Variants in KCNIP4 observed in about 807,000 individuals in gnomAD.
KCNIP4 encodes the protein Kv channel-interacting protein 4.
In KCNIP4, 12 loss-of-function variants were observed where a neutral mutation model predicts 34.0. The ratio of observed to expected loss-of-function variants is 0.35; its 90% CI spans 0.23 to 0.57. The LOEUF is 0.57. Among genes scored for constraint, KCNIP4 ranks in the 20% least tolerant of loss-of-function variants. The probability of loss-of-function intolerance (pLI) is 0.83; values close to 1 mark genes in which losing one functional copy is unlikely to be tolerated. For missense variants in KCNIP4, 238 were observed against 311.7 expected (o/e 0.76, Z 1.78); for synonymous variants, 124 against 102.2 (o/e 1.21, Z -1.29).
intron 1 of KCNIP4, among the ~76,000 whole-genome samples, chr4:21,420,047 C>T (rs942571812): frequency 4.6e-5 from 7 of 152,100 alleles, no homozygotes; most frequent in African/African-American, 1.7e-4. Flanking sequence ...AGGGCTACAG[C>T]CTCCCTTATC....
At chr4:21,417,698 A>C (rs374097187) in intron 1 of KCNIP4, among the ~76,000 whole-genome samples, 4 of 152,270 alleles carry the variant, frequency 2.6e-5, no homozygotes, top group South Asian at 4.1e-4. Context: ...GATGTCATGA[A>C]GTAGTCCTCG....
intron 1 of KCNIP4, among the ~76,000 whole-genome samples, chr4:20,952,369 T>C (rs746792336): frequency 3.9e-5 from 6 of 152,200 alleles, no homozygotes; most frequent in Admixed American, 1.3e-4. Flanking sequence ...ATGTTCATTA[T>C]CTCAAAACTC....
intron 1 of KCNIP4, among the ~76,000 whole-genome samples, chr4:20,994,656 T>G (rs1169203214): frequency 6.6e-6 from 1 of 152,210 alleles, no homozygotes; most frequent in Non-Finnish European, 1.5e-5. Context: ...TGGGATGTGT[T>G]CTTCCCACAA....
rs144747924 is a variant in KCNIP4 at position 21,005,202 on chromosome 4, C to T, written c.62-122493G>A. On this transcript the variant is annotated intron_variant, in intron 1 of 8. Coordinates refer to ENST00000382152, the MANE Select transcript of KCNIP4 (RefSeq NM_025221.6). ...AGGGGTTCCCAGATTATAATGTTAGCTGCAGATCAGATGTTTGGAAAGGCC... is the reference window on the plus strand; with the variant it reads ...AGGGGTTCCCAGATTATAATGTTAGTTGCAGATCAGATGTTTGGAAAGGCC... 3.9e-5 allele frequency among the ~76,000 whole-genome samples: 6 copies of T among 152,276 alleles called. No individual in the cohort carries two copies. The East Asian group carries it at 1.2e-3, about 29-fold the overall frequency.
chr4:21,220,523 C>G (rs1053989310), intron 1 of KCNIP4, among the ~76,000 whole-genome samples: 3 of 151,858 alleles, frequency 2.0e-5, no homozygotes, highest in Admixed American at 6.6e-5. Context: ...CAAACCTGCA[C>G]GTTGTGCAAA....
chr4:20,747,092 A>G (rs1365214117), intron 5 of KCNIP4, among the ~76,000 whole-genome samples: 4 of 152,206 alleles, frequency 2.6e-5, no homozygotes, highest in African/African-American at 9.6e-5. Context: ...ATATATAATC[A>G]TTACAACTAA....
chr4:20,894,540 T>G (rs1726294676), intron 1 of KCNIP4, among the ~76,000 whole-genome samples: 1 of 152,222 alleles, frequency 6.6e-6, no homozygotes, highest in African/African-American at 2.4e-5. Flanking sequence ...TTGTTCATTC[T>G]TTTTATTTTC....
At chr4:20,921,861 ATC>A (rs1308046747) in intron 1 of KCNIP4, among the ~76,000 whole-genome samples, 1 of 152,240 alleles carries the variant, frequency 6.6e-6, no homozygotes, top group African/African-American at 2.4e-5. Context: ...AATGAAGACT[ATC>A]TCTATTATAT....
At chr4:21,196,250 A>G (rs1019718485) in intron 1 of KCNIP4, among the ~76,000 whole-genome samples, 4 of 152,240 alleles carry the variant, frequency 2.6e-5, no homozygotes, top group Non-Finnish European at 5.9e-5. Flanking sequence ...TCATTTTAAT[A>G]GAACACATGT....
intron 1 of KCNIP4, among the ~76,000 whole-genome samples, chr4:21,791,338 G>A (rs9999359): frequency 0.16 from 24,674 of 152,130 alleles, 4,965 homozygotes; most frequent in African/African-American, 0.48. Flanking sequence ...TCCACCTCCT[G>A]ATACCATCAG....
intron 1 of KCNIP4, among the ~76,000 whole-genome samples, chr4:21,869,350 T>C (rs1404377928): frequency 6.6e-6 from 1 of 152,148 alleles, no homozygotes; most frequent in East Asian, 1.9e-4. Context: ...AGTAGGCTCC[T>C]AGAAGGTTGA....
chr4:21,445,758 C>A (rs1489000608), intron 1 of KCNIP4, among the ~76,000 whole-genome samples: 4 of 152,122 alleles, frequency 2.6e-5, no homozygotes, highest in African/African-American at 7.2e-5. Flanking sequence ...GCAACAAAAG[C>A]CAAAATTGAC....
intron 1 of KCNIP4, among the ~76,000 whole-genome samples, chr4:21,528,624 G>A (rs181153867): frequency 6.7e-6 from 1 of 149,858 alleles, no homozygotes; most frequent in East Asian, 2.0e-4. Flanking sequence ...CCAAGAACGC[G>A]TCACTGAACT....
intron 1 of KCNIP4, among the ~76,000 whole-genome samples, chr4:20,930,397 C>T (rs1446460000): frequency 6.6e-6 from 1 of 151,846 alleles, no homozygotes; most frequent in Non-Finnish European, 1.5e-5. Context: ...GATGTGAAAC[C>T]ATAAAACTCC....
intron 1 of KCNIP4, chr4:21,304,063 G>GAGAGAGAGAGAGAGACAGAC (rs1560272464): frequency 2.8e-6 from 1 of 362,494 alleles, no homozygotes; most frequent in African/African-American, 5.1e-5. Context: ...GAGAGAGAGA[G>GAGAGAGAGAGAGAGACAGAC]AGAGACAGAG....
At chr4:21,509,954 T>C (rs561688283) in intron 1 of KCNIP4, among the ~76,000 whole-genome samples, 1 of 151,150 alleles carries the variant, frequency 6.6e-6, no homozygotes, top group South Asian at 2.1e-4. Flanking sequence ...CCTGTCTCTA[T>C]GAAAAATACA....
chr4:21,485,082 G>A (rs962223382), intron 1 of KCNIP4, among the ~76,000 whole-genome samples: 6 of 152,038 alleles, frequency 3.9e-5, no homozygotes, highest in South Asian at 2.1e-4. Flanking sequence ...CATAGTTGTC[G>A]CTTCACATGT....
intron 1 of KCNIP4, among the ~76,000 whole-genome samples, chr4:21,917,291 C>T (rs1467047142): frequency 6.6e-6 from 1 of 152,186 alleles, no homozygotes; most frequent in East Asian, 1.9e-4. Context: ...TACACCGCCA[C>T]ACCCAGCTAA....
intron 1 of KCNIP4, among the ~76,000 whole-genome samples, chr4:21,432,512 T>C (rs1045385048): frequency 1.3e-5 from 2 of 152,162 alleles, no homozygotes; most frequent in African/African-American, 4.8e-5. Context: ...TGAGTGCGTC[T>C]ATTTACAAGT....
Sources: allele counts gnomAD v4.1 joint callset (sites outside exome capture counted in the v4.1 genomes callset), GRCh38; gene constraint gnomAD v4.1.1; transcripts MANE v1.5; gene names NCBI Gene and HGNC (gene_info 2026-07-23, HGNC 2026-07-21).